Variants in NAALADL2 observed in about 807,000 individuals in gnomAD.
NAALADL2 encodes N-acetylated alpha-linked acidic dipeptidase like 2.
In NAALADL2, 76 loss-of-function variants were observed where a neutral mutation model predicts 87.2. The observed-to-expected ratio is 0.87, with a 90% CI of 0.72 to 1.05. The LOEUF (loss-of-function observed/expected upper bound fraction) is 1.05. Among genes scored for constraint, NAALADL2 ranks in the 50% least tolerant of loss-of-function variants. The pLI is 0.00. For missense variants in NAALADL2, 1,089 were observed against 945.8 expected (o/e 1.15, Z -1.99); for synonymous variants, 354 against 331.0 (o/e 1.07, Z -0.75).
At chr3:175,280,388 C>T (rs878964341) in intron 4 of NAALADL2, among the ~76,000 whole-genome samples, 4 of 152,052 alleles carry the variant, frequency 2.6e-5, no homozygotes, top group Non-Finnish European at 4.4e-5. Flanking sequence ...AAGATTTTAT[C>T]AAGAAATTAA....
intron 13 of NAALADL2, among the ~76,000 whole-genome samples, chr3:175,800,474 A>C (rs1754017769): frequency 6.6e-6 from 1 of 151,660 alleles, no homozygotes; most frequent in African/African-American, 2.4e-5. Flanking sequence ...ATATTGGACT[A>C]TTAGAGATAG....
At chr3:175,252,057 A>G (rs1374337581) in intron 3 of NAALADL2, among the ~76,000 whole-genome samples, 1 of 152,174 alleles carries the variant, frequency 6.6e-6, no homozygotes, top group African/African-American at 2.4e-5. Flanking sequence ...CAGCCTATTG[A>G]TATGTTCCAA....
intron 1 of NAALADL2, among the ~76,000 whole-genome samples, chr3:175,068,859 T>A (rs1480114342): frequency 6.6e-6 from 1 of 152,066 alleles, no homozygotes; most frequent in Non-Finnish European, 1.5e-5. Context: ...CATGGAAAAC[T>A]CAATTGGGAG....
intron 2 of NAALADL2, among the ~76,000 whole-genome samples, chr3:174,637,591 TTTTA>T (rs1224283862): frequency 1.3e-5 from 2 of 152,124 alleles, no homozygotes; most frequent in African/African-American, 4.8e-5. Flanking sequence ...TGAAGAATAT[TTTTA>T]TTTGTGAACA....
rs141635339 is a variant in NAALADL2 at position 174,791,686 on chromosome 3, T to C, written c.-9+53940T>C. ...CTGTATTAGGGTTTAGGGCTAAGAA[T>C]TGTTCCTTCACATTTTTTTGTTGCT... On this transcript the variant is annotated intron_variant, in intron 3 of 3. Transcript: ENST00000434257. Among the ~76,000 whole-genome samples, 886 of 152,316 alleles carry C rather than the reference T, an allele frequency of 5.8e-3. 2 individuals carry two copies. The highest frequency in any genetic ancestry group is 0.014 in the African/African-American group (568 of 41,574).
chr3:175,240,210 A>C (rs1206829643), intron 3 of NAALADL2, among the ~76,000 whole-genome samples: 1 of 152,218 alleles, frequency 6.6e-6, no homozygotes, highest in Non-Finnish European at 1.5e-5. Flanking sequence ...TTTATTCTTG[A>C]ATGCAGAACG....
In NAALADL2 at chr3:174,997,059, T is replaced by TATATA. The variant is rs781388661; in HGVS notation, c.44-99731_44-99730insATATA. Among the ~76,000 whole-genome samples, 421 of 137,984 alleles carry TATATA rather than the reference T, an allele frequency of 3.1e-3. 4 individuals are homozygous for TATATA. The highest frequency in any genetic ancestry group is 0.012 in the African/African-American group (391 of 33,212). 90.5% of individuals were successfully genotyped at this position (137,984 alleles called of 152,430 possible). ...GTGTGTATGTGTATATATATATATA[T>TATATA]TTTTTTTTTTAATCCACTCGTTGGT... On this transcript the variant is annotated intron_variant, in intron 1 of 13. Transcript: ENST00000454872.
chr3:175,471,743 G>A lies in NAALADL2; in HGVS notation c.1638G>A (p.Gln546=), dbSNP rs370781945. The A allele has an allele frequency of 1.1e-5, 17 of 1,607,338 alleles. No individual in the cohort carries two copies. The highest frequency in any genetic ancestry group is 1.2e-5 in the Non-Finnish European group (14 of 1,177,140). Residue 546 remains glutamine (Q), a synonymous_variant, in exon 9 of 14, where the codon CAG becomes CAA. Coordinates refer to ENST00000454872, the MANE Select transcript of NAALADL2 (RefSeq NM_207015.3). The part of the protein sequence containing the change: ...SLYPVASPSL[Q]QLVVEKNNFN... ...ATCCTGTAGCATCACCATCTCTTCA[G>A]CAACTGGTAGTAGAGGTAAGACAAA...
chr3:174,527,687 T>C (rs963749383), intron 1 of NAALADL2, among the ~76,000 whole-genome samples: 1 of 152,106 alleles, frequency 6.6e-6, no homozygotes, highest in African/African-American at 2.4e-5. Flanking sequence ...GTCTAAAGAA[T>C]CTGTCTAATG....
chr3:175,174,125 T>C (rs574267361), intron 2 of NAALADL2, among the ~76,000 whole-genome samples: 1 of 152,308 alleles, frequency 6.6e-6, no homozygotes, highest in East Asian at 1.9e-4. Flanking sequence ...CACAAACATA[T>C]ATAACACAGC....
intron 2 of NAALADL2, among the ~76,000 whole-genome samples, chr3:174,674,871 A>G (rs1726900458): frequency 1.3e-5 from 2 of 152,070 alleles, no homozygotes. Flanking sequence ...AACCAGTCAA[A>G]CCATTTGTAA....
intron 9 of NAALADL2, among the ~76,000 whole-genome samples, chr3:175,575,116 G>A (rs1385282801): frequency 6.6e-6 from 1 of 152,112 alleles, no homozygotes; most frequent in Non-Finnish European, 1.5e-5. Context: ...CTTAGTTTAA[G>A]AAATAATAGC....
In NAALADL2 at chr3:175,423,018, G is replaced by GAAAAAA. The variant is rs1218647180; in HGVS notation, c.1091-24205_1091-24200dup. 4.2e-3 allele frequency among the ~76,000 whole-genome samples: 260 copies of GAAAAAA among 61,522 alleles called. 2 individuals carry two copies. Among genetic ancestry groups the GAAAAAA allele is most frequent in the South Asian group, 9.9e-3 (13 of 1,308 alleles). 40.4% of individuals were successfully genotyped at this position (61,522 alleles called of 152,430 possible). ...AAAGAGATGGCTCCCAGGTCCTTAA[G>GAAAAAA]AAAAAAAAAAATATATATATATATA... On this transcript the variant is annotated intron_variant, in intron 5 of 13. Coordinates refer to ENST00000454872, the MANE Select transcript of NAALADL2 (RefSeq NM_207015.3).
chr3:175,600,756 C>G (rs1287961729), intron 10 of NAALADL2, among the ~76,000 whole-genome samples: 1 of 151,796 alleles, frequency 6.6e-6, no homozygotes. Flanking sequence ...CCAGGATGGT[C>G]TCGATCTCCT....
At chr3:175,076,725 T>C (rs73883343) in intron 1 of NAALADL2, among the ~76,000 whole-genome samples, 21,635 of 152,146 alleles carry the variant, frequency 0.14, 1,909 homozygotes, top group African/African-American at 0.24. Context: ...AGTTGGAATG[T>C]AGTCCAATAT....
intron 1 of NAALADL2, among the ~76,000 whole-genome samples, chr3:174,871,393 G>A (rs1727800155): frequency 1.3e-5 from 2 of 152,260 alleles, no homozygotes; most frequent in East Asian, 1.9e-4. Context: ...TATAAACTTC[G>A]GGAAATAGCT....
At chr3:174,533,356 GAA>G (rs1251581338) in intron 1 of NAALADL2, among the ~76,000 whole-genome samples, 1 of 151,910 alleles carries the variant, frequency 6.6e-6, no homozygotes, top group Admixed American at 6.6e-5. Context: ...CCTAACATAG[GAA>G]AAGAGATCAT....
At position 175,751,078 on chromosome 3, in the gene NAALADL2, A is replaced by G. The variant is rs1435552623; in HGVS notation, c.1991-4142A>G. Among the ~76,000 whole-genome samples the G allele has an allele frequency of 5.9e-5, 9 of 152,298 alleles. No homozygotes were observed. The East Asian group carries it at 1.7e-3, about 29-fold the overall frequency. ...CAGTCAACTATATTGTATTATATTA[A>G]GCTTGATTTTTAATATTTATAATAA... On this transcript the variant is annotated intron_variant, in intron 12 of 13. Transcript: ENST00000454872.
intron 2 of NAALADL2, among the ~76,000 whole-genome samples, chr3:175,154,676 A>G (rs1732039874): frequency 6.6e-6 from 1 of 152,276 alleles, no homozygotes; most frequent in South Asian, 2.1e-4. Flanking sequence ...ATAGGAAAAA[A>G]GCTTTTCAAC....
Sources: gnomAD v4.1 joint callset for allele counts (sites outside exome capture counted in the v4.1 genomes callset) on GRCh38, gnomAD v4.1.1 for gene constraint, MANE v1.5 for transcripts, NCBI Gene and HGNC (gene_info 2026-07-23, HGNC 2026-07-21) for gene names.